The following THSD4 variants were observed in gnomAD, a reference collection of about 807,000 sequenced individuals.
THSD4 encodes thrombospondin type 1 domain containing 4, also known as thrombospondin type-1 domain-containing protein 4.
Under a neutral mutation model 119.0 loss-of-function variants are expected in THSD4, and 69 were observed. That is an observed-to-expected ratio of 0.58 (90% CI 0.48 to 0.71). The LOEUF is 0.71. Ranked by LOEUF, THSD4 falls within the 30% of genes least tolerant of loss-of-function variation. The pLI, the probability that THSD4 is intolerant of heterozygous loss-of-function variation, is 0.00. For synonymous variants in THSD4, 524 were observed against 540.4 expected (o/e 0.97, Z 0.42); for missense variants, 1,393 against 1,391.1 (o/e 1.00, Z -0.02).
intron 7 of THSD4, among the ~76,000 whole-genome samples, chr15:71,504,225 C>T (rs1355411228): frequency 6.6e-6 from 1 of 152,180 alleles, no homozygotes; most frequent in Non-Finnish European, 1.5e-5. Context: ...GACTCCAAAT[C>T]ACCAGCAGGT....
Position 71,628,809 on chromosome 15 carries a change from C to G in THSD4, c.1153-31721C>G, listed in dbSNP as rs182672096. Among the ~76,000 whole-genome samples the G allele has an allele frequency of 2.1e-3, 317 of 152,318 alleles. 3 individuals are homozygous for G. The highest frequency in any genetic ancestry group is 2.9e-3 in the Non-Finnish European group (195 of 68,032). On this transcript the variant is annotated intron_variant, in intron 7 of 17. Coordinates refer to ENST00000261862, the MANE Select transcript of THSD4 (RefSeq NM_024817.3). ...AATCCATGCAAGTTTGGGAAGCCCCCACCTTGACTCACAACTGCTGCTTGT... is the reference window on the plus strand; with the variant it reads ...AATCCATGCAAGTTTGGGAAGCCCCGACCTTGACTCACAACTGCTGCTTGT...
chr15:71,387,327 G>A (rs1198044695), intron 6 of THSD4, among the ~76,000 whole-genome samples: 1 of 152,132 alleles, frequency 6.6e-6, no homozygotes, highest in Non-Finnish European at 1.5e-5. Context: ...GTGATTTGGT[G>A]ATTCTCTCCA....
intron 1 of THSD4, among the ~76,000 whole-genome samples, chr15:71,109,206 CT>C (rs943072230): frequency 6.6e-6 from 1 of 152,146 alleles, no homozygotes; most frequent in Non-Finnish European, 1.5e-5. Context: ...TTCTCTCATC[CT>C]ACCCAAGTCA....
chr15:71,402,710 G>A (rs768055656), intron 6 of THSD4, among the ~76,000 whole-genome samples: 63 of 152,282 alleles, frequency 4.1e-4, no homozygotes, highest in Admixed American at 1.0e-3. Flanking sequence ...GCTCCCTCAG[G>A]CACAGCGCAA....
intron 12 of THSD4, among the ~76,000 whole-genome samples, chr15:71,746,519 C>T (rs558476661): frequency 1.7e-4 from 26 of 152,258 alleles, no homozygotes; most frequent in Non-Finnish European, 3.2e-4. Flanking sequence ...CTCAGCCTCC[C>T]GAGTAGCTGG....
chr15:71,555,142 A>T (rs2048999139), intron 7 of THSD4, among the ~76,000 whole-genome samples: 1 of 152,166 alleles, frequency 6.6e-6, no homozygotes, highest in Non-Finnish European at 1.5e-5. Flanking sequence ...GCACTTTGAG[A>T]GGTGCTTGCT....
chr15:71,605,889 G>C (rs1210888692), intron 7 of THSD4, among the ~76,000 whole-genome samples: 5 of 152,186 alleles, frequency 3.3e-5, no homozygotes, highest in Non-Finnish European at 5.9e-5. Flanking sequence ...TGAAGTCTGA[G>C]AAATGGGGAG....
chr15:71,378,192 AC>A (rs1414389510), intron 6 of THSD4, among the ~76,000 whole-genome samples: 1 of 152,212 alleles, frequency 6.6e-6, no homozygotes, highest in African/African-American at 2.4e-5. Context: ...ATTTATTAGA[AC>A]AACTTTCTGG....
intron 6 of THSD4, among the ~76,000 whole-genome samples, chr15:71,372,690 G>A (rs958496452): frequency 1.1e-4 from 16 of 152,128 alleles, no homozygotes; most frequent in Non-Finnish European, 1.5e-4. Flanking sequence ...TGCCCCTACC[G>A]GGGGGTGCCT....
At chr15:71,154,574 G>T (rs2040757729) in intron 2 of THSD4, among the ~76,000 whole-genome samples, 1 of 152,194 alleles carries the variant, frequency 6.6e-6, no homozygotes, top group Non-Finnish European at 1.5e-5. Context: ...CGTTTTTCAG[G>T]GGAGGAGACT....
chr15:71,455,431 TC>T (rs1347749469), intron 7 of THSD4, among the ~76,000 whole-genome samples: 1 of 152,076 alleles, frequency 6.6e-6, no homozygotes, highest in Non-Finnish European at 1.5e-5. Context: ...TGGAGAGTGT[TC>T]TTTATCTCCA....
intron 1 of THSD4, among the ~76,000 whole-genome samples, chr15:71,108,579 G>A (rs1490875888): frequency 6.6e-6 from 1 of 152,132 alleles, no homozygotes. Flanking sequence ...TGGGGAGGGG[G>A]CTCACTGGAA....
intron 2 of THSD4, among the ~76,000 whole-genome samples, chr15:71,152,286 G>A (rs950010746): frequency 6.6e-6 from 1 of 152,022 alleles, no homozygotes; most frequent in African/African-American, 2.4e-5. Context: ...AGCCAGGCAT[G>A]GTAGTGCTGC....
At position 71,660,586 on chromosome 15, in the gene THSD4, G is replaced by A; in HGVS notation, c.1209G>A (p.Val403=). ...GSDKVVDKCG[V]CGGDNTGCQV... Reference sequence around the variant, plus strand: ...ACAAAGTCGTGGACAAATGTGGGGTGTGTGGAGGAGACAACACGGGCTGTC... The same window carrying A: ...ACAAAGTCGTGGACAAATGTGGGGTATGTGGAGGAGACAACACGGGCTGTC... The change falls in exon 8 of 18, where the codon GTG becomes GTA. Residue 403 remains valine, a synonymous_variant. Coordinates refer to ENST00000261862, the MANE Select transcript of THSD4 (RefSeq NM_024817.3). 1 of 1,614,198 alleles carries A rather than the reference G, an allele frequency of 6.2e-7. No individual in the cohort carries two copies. The highest frequency in any genetic ancestry group is 8.5e-7 in the Non-Finnish European group (1 of 1,180,042).
At chr15:71,387,556 C>G (rs1258781262) in intron 6 of THSD4, among the ~76,000 whole-genome samples, 1 of 151,944 alleles carries the variant, frequency 6.6e-6, no homozygotes, top group Non-Finnish European at 1.5e-5. Context: ...GAATAAATTC[C>G]AGGTGGAGGA....
At chr15:71,341,625 G>C (rs772227943) in intron 6 of THSD4, 10 of 1,587,324 alleles carry the variant, frequency 6.3e-6, no homozygotes, top group East Asian at 2.2e-5. Context: ...GCAGTTTCAC[G>C]AGTGTTCTTA....
chr15:71,181,723 C>G (rs973217436), intron 3 of THSD4, among the ~76,000 whole-genome samples: 1 of 152,246 alleles, frequency 6.6e-6, no homozygotes, highest in South Asian at 2.1e-4. Context: ...TACCAACTCT[C>G]TCCTGTGGAG....
At chr15:71,190,103 C>A (rs1314951990) in intron 3 of THSD4, among the ~76,000 whole-genome samples, 1 of 152,210 alleles carries the variant, frequency 6.6e-6, no homozygotes, top group Non-Finnish European at 1.5e-5. Context: ...GGGTAGACAT[C>A]ATTTACTGAC....
chr15:71,271,163 T>A (rs1385839236), intron 6 of THSD4, among the ~76,000 whole-genome samples: 1 of 151,990 alleles, frequency 6.6e-6, no homozygotes, highest in African/African-American at 2.4e-5. Context: ...AAAAAAAAAT[T>A]TGCCCAAGAA....
Sources: gnomAD v4.1 joint callset for allele counts (sites outside exome capture counted in the v4.1 genomes callset) on GRCh38, gnomAD v4.1.1 for gene constraint, MANE v1.5 for transcripts, NCBI Gene and HGNC (gene_info 2026-07-23, HGNC 2026-07-21) for gene names.